Variants in SLC24A3 observed in about 807,000 individuals in gnomAD.
SLC24A3 encodes sodium/potassium/calcium exchanger 3.
SLC24A3 carries 28 observed loss-of-function variants against 75.8 expected under a neutral mutation model. The observed-to-expected ratio is 0.37, with a 90% CI of 0.27 to 0.51. The LOEUF (loss-of-function observed/expected upper bound fraction) is 0.51. SLC24A3 is among the 20% of genes least tolerant of loss of function. SLC24A3 has a pLI of 0.94. For missense variants in SLC24A3, 663 were observed against 847.8 expected, an observed-to-expected ratio of 0.78 and a Z score of 2.71; for synonymous variants, 372 against 334.1, an observed-to-expected ratio of 1.11 and a Z score of -1.24.
chr20:19,403,039 C>T (rs765971606), intron 2 of SLC24A3, among the ~76,000 whole-genome samples: 1 of 152,164 alleles, frequency 6.6e-6, no homozygotes, highest in Non-Finnish European at 1.5e-5. Flanking sequence ...CCATATTAGA[C>T]ATCCCAGGCC....
At chr20:19,687,297 G>A (rs1411630346) in intron 12 of SLC24A3, among the ~76,000 whole-genome samples, 2 of 152,084 alleles carry the variant, frequency 1.3e-5, no homozygotes, top group African/African-American at 2.4e-5. Flanking sequence ...GATGTGTGGA[G>A]CTCTTCCCGC....
intron 2 of SLC24A3, among the ~76,000 whole-genome samples, chr20:19,456,202 A>G (rs534139613): frequency 6.6e-6 from 1 of 152,332 alleles, no homozygotes; most frequent in African/African-American, 2.4e-5. Context: ...TTATGGCAAG[A>G]GAAAGACCTT....
At chr20:19,613,774 C>G (rs1371367166) in intron 6 of SLC24A3, among the ~76,000 whole-genome samples, 1 of 152,158 alleles carries the variant, frequency 6.6e-6, no homozygotes, top group Admixed American at 6.5e-5. Flanking sequence ...CACCTCTTCC[C>G]CATCACATGA....
At chr20:19,314,725 C>T (rs1984544033) in intron 2 of SLC24A3, among the ~76,000 whole-genome samples, 1 of 152,242 alleles carries the variant, frequency 6.6e-6, no homozygotes, top group African/African-American at 2.4e-5. Context: ...CCTGTAACTC[C>T]TGCCATGCCA....
chr20:19,325,789 TATATATAG>T (rs1984837364), intron 2 of SLC24A3, among the ~76,000 whole-genome samples: 22 of 92,500 alleles, frequency 2.4e-4, no homozygotes, highest in South Asian at 8.5e-4. Context: ...TATATATATA[TATATATAG>T]AGAGAGAGAG....
chr20:19,559,312 C>A (rs1410282171), intron 3 of SLC24A3, among the ~76,000 whole-genome samples: 1 of 152,038 alleles, frequency 6.6e-6, no homozygotes, highest in South Asian at 2.1e-4. Context: ...TGGATTATTT[C>A]TTTTGTTTTT....
intron 6 of SLC24A3, among the ~76,000 whole-genome samples, chr20:19,639,793 G>A (rs2032050956): frequency 6.6e-6 from 1 of 152,258 alleles, no homozygotes; most frequent in Non-Finnish European, 1.5e-5. Flanking sequence ...GGCAGCTAAG[G>A]CCAGGTGAGA....
chr20:19,521,668 C>A (rs1359134164), intron 3 of SLC24A3, among the ~76,000 whole-genome samples: 4 of 152,176 alleles, frequency 2.6e-5, no homozygotes, highest in Non-Finnish European at 5.9e-5. Flanking sequence ...ATGTCATTTC[C>A]TGGGGCCTGA....
intron 2 of SLC24A3, among the ~76,000 whole-genome samples, chr20:19,479,910 T>G (rs978171184): frequency 3.9e-5 from 6 of 152,140 alleles, no homozygotes; most frequent in African/African-American, 1.4e-4. Flanking sequence ...AAAGAAAATT[T>G]TAAAGGGCCT....
intron 2 of SLC24A3, among the ~76,000 whole-genome samples, chr20:19,360,866 G>A (rs560863400): frequency 2.0e-5 from 3 of 151,386 alleles, no homozygotes; most frequent in Admixed American, 6.6e-5. Flanking sequence ...TCGCTCTGTC[G>A]GCCAGGCTGG....
chr20:19,399,888 T>C (rs775196189), intron 2 of SLC24A3, among the ~76,000 whole-genome samples: 3 of 152,218 alleles, frequency 2.0e-5, no homozygotes, highest in South Asian at 4.1e-4. Flanking sequence ...ATAGTTTCTA[T>C]TGGTATATCT....
chr20:19,434,812 G>A (rs1016934205), intron 2 of SLC24A3, among the ~76,000 whole-genome samples: 23 of 151,918 alleles, frequency 1.5e-4, no homozygotes, highest in African/African-American at 5.1e-4. Flanking sequence ...AGTCACATGT[G>A]CAGGGTAAGG....
chr20:19,588,530 G>T (rs1433298260), intron 6 of SLC24A3, among the ~76,000 whole-genome samples: 1 of 152,146 alleles, frequency 6.6e-6, no homozygotes, highest in Admixed American at 6.5e-5. Flanking sequence ...CCCTCGCTTT[G>T]GTGTTCACCT....
chr20:19,541,248 G>C (rs544334473), intron 3 of SLC24A3, among the ~76,000 whole-genome samples: 1 of 152,290 alleles, frequency 6.6e-6, no homozygotes, highest in East Asian at 1.9e-4. Context: ...GTAATAACAA[G>C]GATAATGGCA....
intron 2 of SLC24A3, among the ~76,000 whole-genome samples, chr20:19,495,917 A>G (rs565847653): frequency 7.4e-4 from 113 of 152,296 alleles, no homozygotes; most frequent in African/African-American, 2.5e-3. Context: ...ACATAGCCAC[A>G]CAGTGGATTC....
At chr20:19,549,415 A>G (rs184260349) in intron 3 of SLC24A3, among the ~76,000 whole-genome samples, 91 of 152,350 alleles carry the variant, frequency 6.0e-4, no homozygotes, top group Middle Eastern at 3.4e-3. Flanking sequence ...CTAAAGACAG[A>G]TCATTTTTTA....
At chr20:19,266,633 G>C (rs148765395) in intron 1 of SLC24A3, among the ~76,000 whole-genome samples, 329 of 152,320 alleles carry the variant, frequency 2.2e-3, no homozygotes, top group African/African-American at 7.7e-3. Context: ...GTGATGTAGA[G>C]TTGTCAAATT....
chr20:19,274,911 C>G (rs1294931546), intron 1 of SLC24A3, among the ~76,000 whole-genome samples: 1 of 152,176 alleles, frequency 6.6e-6, no homozygotes, highest in Non-Finnish European at 1.5e-5. Flanking sequence ...GTGAGGAGCA[C>G]CAAACCAGCC....
chr20:19,512,407 G>A (rs2029900259), intron 2 of SLC24A3, among the ~76,000 whole-genome samples: 1 of 152,206 alleles, frequency 6.6e-6, no homozygotes, highest in African/African-American at 2.4e-5. Context: ...TCCATCCAGG[G>A]CTCAGCCTCC....
Sources: allele counts gnomAD v4.1 joint callset (sites outside exome capture counted in the v4.1 genomes callset), GRCh38; gene constraint gnomAD v4.1.1; transcripts MANE v1.5; gene names NCBI Gene and HGNC (gene_info 2026-07-23, HGNC 2026-07-21).